Variants in AK5 observed in about 807,000 individuals in gnomAD.
The protein encoded by AK5 is adenylate kinase 5.
AK5 carries 27 observed loss-of-function variants against 69.5 expected under a neutral mutation model. That is an observed-to-expected ratio of 0.39 (90% CI 0.29 to 0.54). The LOEUF (loss-of-function observed/expected upper bound fraction) is 0.54. Ranked by LOEUF, AK5 falls within the 20% of genes least tolerant of loss-of-function variation. The pLI, the probability that AK5 is intolerant of heterozygous loss-of-function variation, is 0.71. For missense variants in AK5, 531 were observed against 700.4 expected (o/e 0.76, Z 2.73); for synonymous variants, 260 against 244.4 (o/e 1.06, Z -0.60).
At chr1:77,302,727 A>G (rs1659411632) in intron 5 of AK5, among the ~76,000 whole-genome samples, 1 of 152,056 alleles carries the variant, frequency 6.6e-6, no homozygotes, top group Non-Finnish European at 1.5e-5. Context: ...CTTTTTTCTT[A>G]TATCTGCTCG....
chr1:77,361,499 T>C (rs556367117), intron 6 of AK5, among the ~76,000 whole-genome samples: 46 of 152,246 alleles, frequency 3.0e-4, no homozygotes, highest in African/African-American at 1.1e-3. Context: ...TAAGACTAAG[T>C]GAAATAATAT....
Position 77,499,869 on chromosome 1 carries a change from C to CTTTTTTTTTTTTTTTTTTTTTTT in AK5, c.1147+13517_1147+13518insTTTTTTTTTTTTTTTTTTTTTTT, listed in dbSNP as rs749712310. On this transcript the variant is annotated intron_variant, in intron 10 of 13. Transcript: ENST00000354567. The stretch of plus-strand genomic sequence containing the variant: ...GATGACAGAGACCATGCCCTTTTTC[C>CTTTTTTTTTTTTTTTTTTTTTTT]ATTTTTTTTTTTTTTTTTTTTTTTT... Among the ~76,000 whole-genome samples the CTTTTTTTTTTTTTTTTTTTTTTT allele has an allele frequency of 2.5e-5, 2 of 78,768 alleles. 1 individual carries two copies. The highest frequency in any genetic ancestry group is 4.8e-5 in the Non-Finnish European group (2 of 42,048). The allele number at this position is 78,768 out of a possible 152,430, so 51.7% of individuals were successfully genotyped here.
intron 5 of AK5, among the ~76,000 whole-genome samples, chr1:77,324,415 T>G (rs1353283878): frequency 6.6e-6 from 1 of 151,990 alleles, no homozygotes; most frequent in African/African-American, 2.4e-5. Flanking sequence ...TAGAGCCACC[T>G]CATTTATGTG....
chr1:77,542,751 A>G (rs1659343096), intron 13 of AK5, among the ~76,000 whole-genome samples: 1 of 152,234 alleles, frequency 6.6e-6, no homozygotes, highest in Admixed American at 6.5e-5. Context: ...GATAATCACC[A>G]ATGAACATTA....
At chr1:77,538,067 A>G (rs76109572) in intron 13 of AK5, among the ~76,000 whole-genome samples, 3,624 of 152,256 alleles carry the variant, frequency 0.024, 111 homozygotes, top group African/African-American at 0.083. Flanking sequence ...GCCAAGTGCA[A>G]TGGCTCACAC....
chr1:77,538,080 G>A (rs1204569110), intron 13 of AK5, among the ~76,000 whole-genome samples: 1 of 152,100 alleles, frequency 6.6e-6, no homozygotes, highest in Non-Finnish European at 1.5e-5. Flanking sequence ...GCTCACACCC[G>A]TTATCCCAGT....
intron 8 of AK5, among the ~76,000 whole-genome samples, chr1:77,455,677 A>G (rs1653437463): frequency 6.6e-6 from 1 of 152,078 alleles, no homozygotes; most frequent in African/African-American, 2.4e-5. Flanking sequence ...AGCAGCCCAA[A>G]CAGATGAAGG....
At chr1:77,295,486 A>G (rs985842356) in intron 3 of AK5, among the ~76,000 whole-genome samples, 1 of 152,242 alleles carries the variant, frequency 6.6e-6, no homozygotes, top group Non-Finnish European at 1.5e-5. Flanking sequence ...GCTTTATGGT[A>G]GCCGCTGTTA....
At chr1:77,333,035 T>C (rs980386944) in intron 5 of AK5, among the ~76,000 whole-genome samples, 1 of 152,078 alleles carries the variant, frequency 6.6e-6, no homozygotes, top group Non-Finnish European at 1.5e-5. Flanking sequence ...AAACCTTTTA[T>C]CATAATGACA....
At chr1:77,506,483 G>C (rs952392468) in intron 10 of AK5, among the ~76,000 whole-genome samples, 2 of 152,086 alleles carry the variant, frequency 1.3e-5, no homozygotes, top group Middle Eastern at 3.4e-3. Flanking sequence ...CCACCAACAG[G>C]CACCAGGAAA....
At chr1:77,424,409 C>T (rs1482163969) in intron 8 of AK5, among the ~76,000 whole-genome samples, 1 of 152,070 alleles carries the variant, frequency 6.6e-6, no homozygotes, top group Non-Finnish European at 1.5e-5. Context: ...TACAGATGTA[C>T]ACCACCATGC....
chr1:77,382,950 G>T (rs921423314), intron 6 of AK5, among the ~76,000 whole-genome samples: 4 of 151,950 alleles, frequency 2.6e-5, no homozygotes, highest in Non-Finnish European at 4.4e-5. Context: ...ACCCACTTAT[G>T]GTCCTAAATA....
Position 77,309,741 on chromosome 1 carries a change from T to G in AK5, c.699+11794T>G, listed in dbSNP as rs561617023. ...TGAACTGAAACATTTAGAAATGTGT[T>G]TTTTGGCCACTTGTATTTCATTTTT... On this transcript the variant is annotated intron_variant, in intron 5 of 13. Transcript: ENST00000354567. Among the ~76,000 whole-genome samples, 29 of 152,258 alleles carry G rather than the reference T, an allele frequency of 1.9e-4. No homozygotes were observed. The South Asian group carries it at 5.4e-3, about 28-fold the overall frequency.
chr1:77,423,963 C>T (rs927530253), intron 8 of AK5, among the ~76,000 whole-genome samples: 7 of 152,176 alleles, frequency 4.6e-5, no homozygotes, highest in African/African-American at 1.7e-4. Context: ...TCTAGCCATC[C>T]TGTCCCACCC....
At chr1:77,378,339 T>A (rs1647377166) in intron 6 of AK5, among the ~76,000 whole-genome samples, 1 of 152,236 alleles carries the variant, frequency 6.6e-6, no homozygotes, top group South Asian at 2.1e-4. Context: ...TATTTTTTTT[T>A]TAGATGGAGT....
intron 2 of AK5, among the ~76,000 whole-genome samples, chr1:77,292,962 A>G (rs1312171075): frequency 6.6e-6 from 1 of 152,210 alleles, no homozygotes; most frequent in African/African-American, 2.4e-5. Flanking sequence ...ACAGGTCTAC[A>G]TCTTATTCTT....
In AK5 at chr1:77,477,030, G is replaced by GTGCA. The variant is rs67960124; in HGVS notation, c.1060-6287_1060-6286insTGCA. On this transcript the variant is annotated intron_variant, in intron 8 of 13. Transcript: ENST00000354567. Reference sequence around the variant, plus strand: ...TGTGTGTGTGTGTGTGTGTGTGTGTGCGTGTGTGTGTTTCTGAGACAGGGT... The same window carrying GTGCA: ...TGTGTGTGTGTGTGTGTGTGTGTGTGTGCACGTGTGTGTGTTTCTGAGACAGGGT... 4.1e-5 allele frequency among the ~76,000 whole-genome samples: 6 copies of GTGCA among 147,870 alleles called. No individual in the cohort carries two copies. The South Asian group carries it at 1.4e-3, about 34-fold the overall frequency.
intron 5 of AK5, among the ~76,000 whole-genome samples, chr1:77,300,435 G>T (rs1325414757): frequency 6.6e-6 from 1 of 152,184 alleles, no homozygotes; most frequent in East Asian, 1.9e-4. Flanking sequence ...TGAGGTCAAT[G>T]TCATCTTTGC....
intron 6 of AK5, among the ~76,000 whole-genome samples, chr1:77,401,295 T>G (rs771998434): frequency 1.3e-5 from 2 of 152,190 alleles, no homozygotes; most frequent in African/African-American, 4.8e-5. Flanking sequence ...TGGAGGGACA[T>G]CTCCAAACAT....
Sources: allele counts gnomAD v4.1 joint callset (sites outside exome capture counted in the v4.1 genomes callset), GRCh38; gene constraint gnomAD v4.1.1; transcripts MANE v1.5; gene names NCBI Gene and HGNC (gene_info 2026-07-23, HGNC 2026-07-21).